The following LSM8 variants were observed in gnomAD, a reference collection of about 807,000 sequenced individuals.
The protein encoded by LSM8 is LSM8 homolog, U6 small nuclear RNA associated.
In LSM8, 14 loss-of-function variants were observed where a neutral mutation model predicts 15.0. The ratio of observed to expected loss-of-function variants is 0.93; its 90% CI spans 0.62 to 1.46. LSM8 has a LOEUF of 1.46. Among genes scored for constraint, LSM8 ranks in the 40% most tolerant of loss-of-function variants. LSM8 has a pLI of 0.00. For missense variants in LSM8, 90 were observed against 115.4 expected (o/e 0.78, Z 1.01); for synonymous variants, 50 against 42.1 (o/e 1.19, Z -0.73).
rs1450631171 is a variant in LSM8, at chr7:118,195,597, C to T, written c.*3595C>T. ...TGTACAATAAAATTTGTTTCTATGT[C>T]AGCGAATATTCTTGACTCAAGGAGT... On this transcript the variant is annotated 3_prime_UTR_variant, in exon 4 of 4. Coordinates refer to ENST00000249299, the MANE Select transcript of LSM8 (RefSeq NM_016200.5). 6.6e-6 allele frequency among the ~76,000 whole-genome samples: 1 copy of T among 152,148 alleles called. No individual in the cohort carries two copies. Among genetic ancestry groups the T allele is most frequent in the Non-Finnish European group, 1.5e-5 (1 of 68,030 alleles).
In LSM8 at chr7:118,203,910, ATTCCT is replaced by A. The variant is rs1809208953; in HGVS notation, c.*11914_*11918del. ...AGCTGTTTTTCTTGGTTGCTTTCTAATTCCTTTCCTCCCTTATTGGTTACCTATGA... is the reference window on the plus strand; with the variant it reads ...AGCTGTTTTTCTTGGTTGCTTTCTAATTCCTCCCTTATTGGTTACCTATGA... On this transcript the variant is annotated 3_prime_UTR_variant, in exon 4 of 4. Transcript: ENST00000249299. Among the ~76,000 whole-genome samples the A allele has an allele frequency of 6.6e-6, 1 of 151,674 alleles. No homozygotes were observed. The highest frequency in any genetic ancestry group is 6.6e-5 in the Admixed American group (1 of 15,192).
intron 3 of LSM8, chr7:118,191,675 A>G (rs1808983881): frequency 2.3e-6 from 1 of 443,078 alleles, no homozygotes; most frequent in East Asian, 4.0e-5. Flanking sequence ...GTGTCCTTTA[A>G]TATTGGTTCC....
chr7:118,191,827 C>T, intron 3 of LSM8, 85 bp from the exon 4 acceptor site: 1 of 991,632 alleles, frequency 1.0e-6, no homozygotes, highest in Non-Finnish European at 1.5e-6. Flanking sequence ...GAATGGTACT[C>T]AGTGCTTTGA....
chr7:118,188,489 A>G, intron 3 of LSM8, 84 bp downstream of exon 3: 2 of 1,226,404 alleles, frequency 1.6e-6, no homozygotes, highest in South Asian at 1.4e-5. Context: ...ACCCTACTGT[A>G]TTGTCCATAC....
chr7:118,190,622 A>T (rs1369310827), intron 3 of LSM8: 1 of 152,170 alleles, frequency 6.6e-6, no homozygotes, highest in Non-Finnish European at 1.5e-5. Flanking sequence ...CCTGCTTACC[A>T]TAGGGATTTT....
Position 118,202,847 on chromosome 7 carries a change from T to C in LSM8, c.*10845T>C, listed in dbSNP as rs1809191943. Among the ~76,000 whole-genome samples the C allele has an allele frequency of 1.3e-5, 2 of 152,028 alleles. No homozygotes were observed. Among genetic ancestry groups the C allele is most frequent in the African/African-American group, 4.8e-5 (2 of 41,434 alleles). ...CCCAAACAGAATTCTTTTTTATCTC[T>C]GATATAAAATGCAGAATATGAATTT... On this transcript the variant is annotated 3_prime_UTR_variant, in exon 4 of 4. Coordinates refer to ENST00000249299, the MANE Select transcript of LSM8 (RefSeq NM_016200.5).
chr7:118,198,162 A>G lies in LSM8; in HGVS notation c.*6160A>G, dbSNP rs1809111505. 6.6e-6 allele frequency among the ~76,000 whole-genome samples: 1 copy of G among 152,182 alleles called. No individual in the cohort carries two copies. Among genetic ancestry groups the G allele is most frequent in the Admixed American group, 6.5e-5 (1 of 15,272 alleles). ...CACATATTTTAAAATTAAAAATTTG[A>G]TCAAATTTTTAAAAGTAACACGAGG... is the stretch of plus-strand genomic sequence containing the variant. On this transcript the variant is annotated 3_prime_UTR_variant, in exon 4 of 4. Transcript: ENST00000249299.
rs948414982 is a variant in LSM8, at chr7:118,193,875, A to G, written c.*1873A>G. Among the ~76,000 whole-genome samples the G allele has an allele frequency of 5.9e-5, 9 of 152,102 alleles. No individual in the cohort carries two copies. Among genetic ancestry groups the G allele is most frequent in the Non-Finnish European group, 1.3e-4 (9 of 67,972 alleles). On this transcript the variant is annotated 3_prime_UTR_variant, in exon 4 of 4. Coordinates refer to ENST00000249299, the MANE Select transcript of LSM8 (RefSeq NM_016200.5). ...AAAAACCAGTCCTGTCCCTCATGAT[A>G]ATGGGTTTCTAATGTGATGTATTCT...
At chr7:118,185,860 C>T (rs1162594796) in intron 2 of LSM8, among the ~76,000 whole-genome samples, 166 bp downstream of exon 2, 1 of 152,190 alleles carries the variant, frequency 6.6e-6, no homozygotes, top group African/African-American at 2.4e-5. Context: ...GTTTTCCTCA[C>T]TAATAAACAT....
In LSM8 at chr7:118,187,646, T is replaced by C. The variant is rs184767342; in HGVS notation, c.73-632T>C. Among the ~76,000 whole-genome samples, 245 of 152,384 alleles carry C rather than the reference T, an allele frequency of 1.6e-3. 1 individual carries two copies. Among genetic ancestry groups the C allele is most frequent in the Admixed American group, 5.6e-3 (86 of 15,310 alleles). The stretch of plus-strand genomic sequence containing the variant: ...TTGTGTATAATAGTATAGAATGTTA[T>C]GGTTTAGTGGTCTGGCTCAGGAGCT... On this transcript the variant is annotated intron_variant, in intron 2 of 3. Transcript: ENST00000249299.
chr7:118,184,993 T>G (rs536635136), intron 1 of LSM8: 4 of 152,328 alleles, frequency 2.6e-5, no homozygotes, highest in African/African-American at 4.8e-5. Flanking sequence ...AGACAGTTTT[T>G]TAACATGCTG....
intron 3 of LSM8, chr7:118,191,681 G>C: frequency 4.4e-6 from 2 of 451,672 alleles, no homozygotes; most frequent in Non-Finnish European, 7.9e-6. Context: ...TTTAATATTG[G>C]TTCCTGTAAT....
rs1358766356 is a variant in LSM8 at position 118,200,730 on chromosome 7, T to G, written c.*8728T>G. 6.6e-6 allele frequency among the ~76,000 whole-genome samples: 1 copy of G among 152,112 alleles called. No homozygotes were observed. Among genetic ancestry groups the G allele is most frequent in the Non-Finnish European group, 1.5e-5 (1 of 68,010 alleles). On this transcript the variant is annotated 3_prime_UTR_variant, in exon 4 of 4. Coordinates refer to ENST00000249299, the MANE Select transcript of LSM8 (RefSeq NM_016200.5). The stretch of plus-strand genomic sequence containing the variant: ...TTGTACTTTATAAGAGTTTATTCCT[T>G]AAGTGTTTGAATTTACACTTTTTTC...
chr7:118,185,315 A>G, intron 1 of LSM8: 1 of 198,520 alleles, frequency 5.0e-6, no homozygotes, highest in South Asian at 1.9e-4. Context: ...GCTGGAGTGC[A>G]GTGGCTTGAT....
At position 118,188,404 on chromosome 7, in the gene LSM8, G is replaced by A. The variant is rs745309382; in HGVS notation, c.199G>A (p.Val67Ile). 2 of 1,609,364 alleles carry A rather than the reference G, an allele frequency of 1.2e-6. No individual in the cohort carries two copies. The highest frequency in any genetic ancestry group is 1.1e-5 in the South Asian group (1 of 90,272). The change falls in exon 3 of 4, where the codon GTT (valine) becomes ATT (isoleucine). Residue 67 changes from valine to isoleucine, a missense_variant and splice_region_variant. Val to Ile is a conservative substitution (Grantham distance 29, BLOSUM62 3). Transcript: ENST00000249299. ...ATTATACATTGTAAGAGGTGACAAC[G>A]TGTAAGTAAAATATATCTGTTAAAA... ...LGLYIVRGDN[V>I]AVIGEIDEET...
chr7:118,185,533 G>T (rs913126163), intron 1 of LSM8, 121 bp from the exon 2 acceptor site: 49 of 829,258 alleles, frequency 5.9e-5, no homozygotes, highest in Non-Finnish European at 7.5e-5. Context: ...GAACTTAGTG[G>T]CTGTGTTGAA....
chr7:118,203,146 T>A lies in LSM8; in HGVS notation c.*11144T>A, dbSNP rs1809195380. On this transcript the variant is annotated 3_prime_UTR_variant, in exon 4 of 4. Coordinates refer to ENST00000249299, the MANE Select transcript of LSM8 (RefSeq NM_016200.5). Reference sequence around the variant, plus strand: ...CTTTTTAAACATTTAATGAAAGGATTTAACTCCCAAACTCCAAAGCAAGAT... The same window carrying A: ...CTTTTTAAACATTTAATGAAAGGATATAACTCCCAAACTCCAAAGCAAGAT... 6.6e-6 allele frequency among the ~76,000 whole-genome samples: 1 copy of A among 151,878 alleles called. No homozygotes were observed. Among genetic ancestry groups the A allele is most frequent in the East Asian group, 1.9e-4 (1 of 5,188 alleles).
At position 118,196,223 on chromosome 7, in the gene LSM8, T is replaced by A. The variant is rs1809074949; in HGVS notation, c.*4221T>A. 6.6e-6 allele frequency among the ~76,000 whole-genome samples: 1 copy of A among 152,222 alleles called. No homozygotes were observed. The highest frequency in any genetic ancestry group is 6.5e-5 in the Admixed American group (1 of 15,280). On this transcript the variant is annotated 3_prime_UTR_variant, in exon 4 of 4. Transcript: ENST00000249299. Reference sequence around the variant, plus strand: ...AACAGTATTCTTGTGCTTGTGAAGCTTCTATCTGTCTGTATCTACCTCAAC... The same window carrying A: ...AACAGTATTCTTGTGCTTGTGAAGCATCTATCTGTCTGTATCTACCTCAAC...
At chr7:118,189,051 G>C (rs1300752357) in intron 3 of LSM8, 1 of 152,320 alleles carries the variant, frequency 6.6e-6, no homozygotes, top group African/African-American at 2.4e-5. Context: ...GATCAGGTCA[G>C]GAGTTCAAGA....
Sources: gnomAD v4.1 joint callset for allele counts (sites outside exome capture counted in the v4.1 genomes callset) on GRCh38, gnomAD v4.1.1 for gene constraint, MANE v1.5 for transcripts, NCBI Gene and HGNC (gene_info 2026-07-23, HGNC 2026-07-21) for gene names.